HSD17B12: variants seen among roughly 807,000 people sequenced by gnomAD.
The protein encoded by HSD17B12 is very-long-chain 3-oxoacyl-CoA reductase.
Under a neutral mutation model 39.3 loss-of-function variants are expected in HSD17B12, and 32 were observed. That is an observed-to-expected ratio of 0.81 (90% confidence interval 0.61 to 1.09). The LOEUF (loss-of-function observed/expected upper bound fraction) is 1.09. Ranked by LOEUF, HSD17B12 falls within the 50% of genes least tolerant of loss-of-function variation. The pLI, the probability that HSD17B12 is intolerant of heterozygous loss-of-function variation, is 0.00. For synonymous variants in HSD17B12, 150 were observed against 146.7 expected (o/e 1.02, Z -0.16); for missense variants, 342 against 382.9 (o/e 0.89, Z 0.89).
the HSD17B12 span, among the ~76,000 whole-genome samples, chr11:43,560,634 G>A: frequency 2.0e-5 from 3 of 152,302 alleles, no homozygotes; most frequent in East Asian, 5.8e-4. Context: ...ATGGGCTACT[G>A]CCAACATTGT....
chr11:43,626,988 T>A, the HSD17B12 span, among the ~76,000 whole-genome samples: 2 of 152,040 alleles, frequency 1.3e-5, no homozygotes, highest in Admixed American at 1.3e-4. Context: ...AGTTTTGAGG[T>A]GCTGAAGGGT....
At chr11:43,744,934 G>A (rs1342704862) in intron 1 of HSD17B12, among the ~76,000 whole-genome samples, 2 of 152,156 alleles carry the variant, frequency 1.3e-5, no homozygotes, top group African/African-American at 2.4e-5. Flanking sequence ...GTGTGGCCTC[G>A]CCATTAGACA....
At chr11:43,765,004 G>GGATT (rs10672279) in intron 3 of HSD17B12, among the ~76,000 whole-genome samples, 99,212 of 151,334 alleles carry the variant, frequency 0.66, 32,809 homozygotes, top group East Asian at 0.74. Flanking sequence ...GCCTGCTTTT[G>GGATT]AATTGCATGC....
At chr11:43,752,521 C>T (rs1950474664) in intron 2 of HSD17B12, among the ~76,000 whole-genome samples, 1 of 152,066 alleles carries the variant, frequency 6.6e-6, no homozygotes, top group Admixed American at 6.6e-5. Context: ...CAAGACCAGC[C>T]TGGCCAACAT....
intron 1 of HSD17B12, among the ~76,000 whole-genome samples, chr11:43,692,055 C>T (rs1949867508): frequency 6.6e-6 from 1 of 152,128 alleles, no homozygotes; most frequent in Non-Finnish European, 1.5e-5. Context: ...TTCTTGTATT[C>T]ATTCTGGTGG....
At chr11:43,750,577 C>G (rs986072896) in intron 1 of HSD17B12, among the ~76,000 whole-genome samples, 15 of 152,084 alleles carry the variant, frequency 9.9e-5, no homozygotes, top group African/African-American at 3.1e-4. Flanking sequence ...ATTTCTGTCT[C>G]TTGAGAATTG....
chr11:43,790,657 T>C (rs1950859108), intron 3 of HSD17B12, among the ~76,000 whole-genome samples: 1 of 152,152 alleles, frequency 6.6e-6, no homozygotes, highest in Non-Finnish European at 1.5e-5. Flanking sequence ...CAGTGCAAGA[T>C]TTCATCATGC....
the HSD17B12 span, among the ~76,000 whole-genome samples, chr11:43,665,780 C>A: frequency 6.6e-6 from 1 of 152,202 alleles, no homozygotes; most frequent in African/African-American, 2.4e-5. Flanking sequence ...CATGCACACA[C>A]ACACACACAC....
At chr11:43,756,211 T>C (rs983703769) in intron 3 of HSD17B12, among the ~76,000 whole-genome samples, 1 of 151,948 alleles carries the variant, frequency 6.6e-6, no homozygotes, top group African/African-American at 2.4e-5. Flanking sequence ...ATTAAATATG[T>C]TATATCTTTT....
intron 3 of HSD17B12, among the ~76,000 whole-genome samples, chr11:43,794,520 T>G (rs772199133): frequency 9.2e-5 from 14 of 152,178 alleles, no homozygotes; most frequent in Non-Finnish European, 1.9e-4. Flanking sequence ...TAACTAAAAC[T>G]AGGGCATTGT....
At chr11:43,843,165 A>G (rs1197720239) in intron 9 of HSD17B12, among the ~76,000 whole-genome samples, 1 of 152,230 alleles carries the variant, frequency 6.6e-6, no homozygotes, top group Non-Finnish European at 1.5e-5. Context: ...ATAAAGACTC[A>G]AATGTTTGTG....
chr11:43,718,230 A>C (rs1950143034), intron 1 of HSD17B12, among the ~76,000 whole-genome samples: 1 of 152,216 alleles, frequency 6.6e-6, no homozygotes, highest in African/African-American at 2.4e-5. Flanking sequence ...ATGAGATGGA[A>C]GGTATTGTTG....
chr11:43,642,982 G>C, the HSD17B12 span, among the ~76,000 whole-genome samples: 2 of 151,910 alleles, frequency 1.3e-5, no homozygotes, highest in Non-Finnish European at 2.9e-5. Flanking sequence ...TTCCAACAAG[G>C]CTTTAGGTTT....
the HSD17B12 span, among the ~76,000 whole-genome samples, chr11:43,571,072 T>G: frequency 6.6e-6 from 1 of 152,220 alleles, no homozygotes; most frequent in South Asian, 2.1e-4. Context: ...CTACCAGATA[T>G]AGTGATCCAA....
chr11:43,588,884 T>C, the HSD17B12 span, among the ~76,000 whole-genome samples: 1 of 151,866 alleles, frequency 6.6e-6, no homozygotes, highest in African/African-American at 2.4e-5. Flanking sequence ...TATCTCTTTC[T>C]TGTTTCATTC....
chr11:43,757,326 C>T (rs1178552085), intron 3 of HSD17B12, among the ~76,000 whole-genome samples: 1 of 152,066 alleles, frequency 6.6e-6, no homozygotes, highest in Non-Finnish European at 1.5e-5. Context: ...AACTTAAGTG[C>T]AGGAGACAGT....
intron 1 of HSD17B12, among the ~76,000 whole-genome samples, chr11:43,697,691 T>C (rs1008985295): frequency 1.5e-4 from 23 of 152,184 alleles, no homozygotes; most frequent in Non-Finnish European, 2.6e-4. Flanking sequence ...CAGGGGACTA[T>C]TTCAAGCAGT....
intron 3 of HSD17B12, among the ~76,000 whole-genome samples, chr11:43,779,024 T>A (rs1350747570): frequency 6.6e-6 from 1 of 152,204 alleles, no homozygotes; most frequent in Non-Finnish European, 1.5e-5. Flanking sequence ...TTGATTCAAA[T>A]TTTTTAAAGA....
chr11:43,790,585 A>T (rs566404517), intron 3 of HSD17B12, among the ~76,000 whole-genome samples: 1 of 152,302 alleles, frequency 6.6e-6, no homozygotes, highest in Admixed American at 6.5e-5. Context: ...GTGACTAAAG[A>T]GTGGGTGGTG....
Sources: allele counts gnomAD v4.1 joint callset (sites outside exome capture counted in the v4.1 genomes callset), GRCh38; gene constraint gnomAD v4.1.1; transcripts MANE v1.5; gene names NCBI Gene and HGNC (gene_info 2026-07-23, HGNC 2026-07-21).